The following DOCK11 variants were observed in gnomAD, a reference collection of about 807,000 sequenced individuals.
The protein encoded by DOCK11 is dedicator of cytokinesis protein 11.
Under a neutral mutation model 169.1 loss-of-function variants are expected in DOCK11, and 70 were observed. The ratio of observed to expected loss-of-function variants is 0.41; its 90% CI spans 0.34 to 0.51. The LOEUF is 0.51. DOCK11 is among the 20% of genes least tolerant of loss of function. The probability of loss-of-function intolerance (pLI) is 0.10; values close to 1 mark genes in which losing one functional copy is unlikely to be tolerated. For synonymous variants in DOCK11, 529 were observed against 541.3 expected, an observed-to-expected ratio of 0.98 and a Z score of 0.32; for missense variants, 1,166 against 1,538.8, an observed-to-expected ratio of 0.76 and a Z score of 4.05.
rs144317518 is a variant in DOCK11, at chrX:118,673,544, T to G, written c.5200-2392T>G. Among the ~76,000 whole-genome samples, 396 of 111,868 alleles carry G rather than the reference T, an allele frequency of 3.5e-3. 5 individuals carry two copies. Among genetic ancestry groups the G allele is most frequent in the African/African-American group, 0.012 (377 of 30,789 alleles). On this transcript the variant is annotated intron_variant, in intron 46 of 52. Transcript: ENST00000276202. The stretch of plus-strand genomic sequence containing the variant: ...TCTCTATGGAACGGGCTGAAAACTA[T>G]CAGAGATAGCAGCCAAAGTAAGGAA...
chrX:118,684,271 C>CTTTTTTTTTTTTTTTTTTTTTTTT (rs1197326228), intron 52 of DOCK11, among the ~76,000 whole-genome samples: 1 of 78,631 alleles, frequency 1.3e-5, no homozygotes, highest in Non-Finnish European at 2.5e-5. Context: ...TTTTTTTTTT[C>CTTTTTTTTTTTTTTTTTTTTTTTT]TTTTTTTTTT....
intron 31 of DOCK11, among the ~76,000 whole-genome samples, chrX:118,619,273 A>G (rs1183495689): frequency 9.4e-6 from 1 of 105,871 alleles, no homozygotes; most frequent in Non-Finnish European, 1.9e-5. Context: ...CAGGAGTTTG[A>G]GACCAGCCTG....
At chrX:118,577,546 C>A (rs776602571) in intron 12 of DOCK11, among the ~76,000 whole-genome samples, 16 of 112,143 alleles carry the variant, frequency 1.4e-4, no homozygotes, top group Non-Finnish European at 2.8e-4. Context: ...TTCACTTTCT[C>A]AAGCAAATTT....
chrX:118,505,514 G>T (rs2057605670), intron 1 of DOCK11, among the ~76,000 whole-genome samples: 1 of 112,041 alleles, frequency 8.9e-6, no homozygotes, highest in African/African-American at 3.2e-5. Context: ...GGGGAAGCAG[G>T]TACCCTTGCT....
chrX:118,626,018 T>C (rs1250014087), intron 32 of DOCK11, among the ~76,000 whole-genome samples: 1 of 109,556 alleles, frequency 9.1e-6, no homozygotes, highest in African/African-American at 3.3e-5. Flanking sequence ...TAAATTTTTC[T>C]CCAAGCCACC....
intron 46 of DOCK11, among the ~76,000 whole-genome samples, chrX:118,674,945 G>A (rs1343253007): frequency 1.8e-5 from 2 of 111,822 alleles, no homozygotes; most frequent in African/African-American, 3.3e-5. Context: ...GTGTCTTTTC[G>A]TGTCCTTCTT....
intron 20 of DOCK11, among the ~76,000 whole-genome samples, chrX:118,596,500 A>T (rs1451406044): frequency 8.9e-6 from 1 of 112,435 alleles, no homozygotes; most frequent in African/African-American, 3.2e-5. Flanking sequence ...ATTTTAAAGA[A>T]TCAGAAAGCA....
chrX:118,572,495 C>T (rs747276640), intron 11 of DOCK11, 32 bp downstream of exon 11: 54 of 1,145,406 alleles, frequency 4.7e-5, no homozygotes, highest in Non-Finnish European at 6.1e-5. Flanking sequence ...ACCCCCCTTG[C>T]ATCAGTGCAT....
chrX:118,681,887 T>C, intron 51 of DOCK11, 93 bp downstream of exon 51: 1 of 622,559 alleles, frequency 1.6e-6, no homozygotes, highest in Non-Finnish European at 2.4e-6. Flanking sequence ...AATAATACCC[T>C]TCCAAAAAGG....
intron 19 of DOCK11, 109 bp downstream of exon 19, chrX:118,590,411 T>G (rs2013954487): frequency 3.1e-6 from 2 of 654,553 alleles, no homozygotes. Flanking sequence ...AGTGTTTTGT[T>G]CCATGAAAAC....
At chrX:118,532,641 C>T (rs1167848584) in intron 1 of DOCK11, among the ~76,000 whole-genome samples, 3 of 109,374 alleles carry the variant, frequency 2.7e-5, no homozygotes, top group Non-Finnish European at 5.7e-5. Context: ...ATTAGTCAGG[C>T]GTGGTGGTGG....
rs372685790 is a variant in DOCK11 at position 118,545,438 on chromosome X, C to T, written c.462+46C>T. 6.6e-5 allele frequency: 62 copies of T among 935,069 alleles called. 1 individual carries two copies. In the Admixed American group the frequency reaches 9.0e-4, roughly 14 times the overall value. 77.1% of individuals were successfully genotyped at this position (935,069 alleles called of 1,213,427 possible). ...TGGGGTAACTGTGCTAGTTTCCTCA[C>T]GGTCACTTTGCTGAAAAAGATTTCA... On this transcript the variant is annotated intron_variant, in intron 5 of 52. Coordinates refer to ENST00000276202, the MANE Select transcript of DOCK11 (RefSeq NM_144658.4).
intron 1 of DOCK11, among the ~76,000 whole-genome samples, chrX:118,527,114 A>T (rs2011394578): frequency 8.9e-6 from 1 of 112,191 alleles, no homozygotes. Flanking sequence ...CCTTTACTAT[A>T]TAGTTGTATT....
intron 1 of DOCK11, among the ~76,000 whole-genome samples, chrX:118,501,480 C>T (rs1022181658): frequency 2.7e-5 from 3 of 111,641 alleles, no homozygotes; most frequent in East Asian, 2.8e-4. Context: ...AGCGATACTC[C>T]GACTCAAAAA....
intron 6 of DOCK11, among the ~76,000 whole-genome samples, chrX:118,554,358 T>C (rs2012604351): frequency 9.0e-6 from 1 of 111,094 alleles, no homozygotes; most frequent in African/African-American, 3.3e-5. Context: ...AAGACCAGCC[T>C]GGCCAACATA....
intron 24 of DOCK11, 92 bp from the exon 25 acceptor site, chrX:118,607,980 A>T: frequency 1.4e-6 from 1 of 710,441 alleles, no homozygotes; most frequent in Middle Eastern, 4.7e-4. Flanking sequence ...GCAGTGTTAG[A>T]TGTTTTGGGG....
At chrX:118,545,960 G>C in intron 5 of DOCK11, 61 bp from the exon 6 acceptor site, 2 of 828,560 alleles carry the variant, frequency 2.4e-6, no homozygotes, top group Non-Finnish European at 3.6e-6. Context: ...GCCCCTAAAT[G>C]TTTCGCTAAT....
At chrX:118,636,869 A>G (rs762912629) in intron 36 of DOCK11, among the ~76,000 whole-genome samples, 1 of 111,338 alleles carries the variant, frequency 9.0e-6, no homozygotes, top group Admixed American at 9.5e-5. Context: ...ACACACGTGT[A>G]TATGTATGTA....
At chrX:118,557,495 G>A (rs1173757554) in intron 6 of DOCK11, among the ~76,000 whole-genome samples, 4 of 110,867 alleles carry the variant, frequency 3.6e-5, no homozygotes, top group African/African-American at 6.6e-5. Flanking sequence ...AAGGCCGGGC[G>A]CGGTGGCTCA....
Sources: gnomAD v4.1 joint callset for allele counts (sites outside exome capture counted in the v4.1 genomes callset) on GRCh38, gnomAD v4.1.1 for gene constraint, MANE v1.5 for transcripts, NCBI Gene and HGNC (gene_info 2026-07-23, HGNC 2026-07-21) for gene names.